Variants in IRAK1 observed in about 807,000 individuals in gnomAD.
IRAK1 encodes the protein interleukin 1 receptor associated kinase 1.
A neutral mutation model predicts 49.8 loss-of-function variants in IRAK1; 9 were observed. The observed-to-expected ratio is 0.18, with a 90% CI of 0.11 to 0.32. IRAK1 has a LOEUF of 0.32. Ranked by LOEUF, IRAK1 falls within the 10% of genes least tolerant of loss-of-function variation. The pLI is 1.00. For synonymous variants in IRAK1, 282 were observed against 270.8 expected (o/e 1.04, Z -0.41); for missense variants, 418 against 600.5 (o/e 0.70, Z 3.18).
Position 154,016,996 on chromosome X carries a change from C to A in IRAK1, c.981G>T (p.Gln327His). The A allele has an allele frequency of 8.3e-7, 1 of 1,210,702 alleles. No individual in the cohort carries two copies. Among genetic ancestry groups the A allele is most frequent in the Non-Finnish European group, 1.1e-6 (1 of 894,216 alleles). The change falls in exon 8 of 14, where the codon CAG becomes CAT. Residue 327 changes from glutamine to histidine, a missense_variant. Around this residue, in one of 3 missense-constraint regions of IRAK1, gnomAD observed 377 missense variants for 499.5 expected, o/e 0.75. Coordinates refer to ENST00000369980, the MANE Select transcript of IRAK1 (RefSeq NM_001569.4). ...DILLGTARAI[Q>H]FLHQDSPSLI... Reference sequence around the variant, plus strand: ...GGCTGGGGCTGTCCTGATGTAGAAACTGAATTGCCCGGGCTGTACCCAGAA... The same window carrying A: ...GGCTGGGGCTGTCCTGATGTAGAAAATGAATTGCCCGGGCTGTACCCAGAA...
rs1557127150 is a variant in IRAK1 at position 154,010,556 on chromosome X, C to T, written c.*1303G>A. 1 of 133,739 alleles carries T rather than the reference C, an allele frequency of 7.5e-6. No homozygotes were observed. Among genetic ancestry groups the T allele is most frequent in the East Asian group, 1.9e-4 (1 of 5,383 alleles). 11.0% of individuals were successfully genotyped at this position (133,739 alleles called of 1,213,427 possible). ...AAGGACAACCTGGACGTCACCAATG[C>T]CCAGCTTCACGGGGGCATGTAGTGT... On this transcript the variant is annotated 3_prime_UTR_variant, in exon 14 of 14. Coordinates refer to ENST00000369980, the MANE Select transcript of IRAK1 (RefSeq NM_001569.4).
At position 154,018,279 on chromosome X, in the gene IRAK1, C is replaced by A; in HGVS notation, c.794+12G>T. On this transcript the variant is annotated intron_variant, in intron 6 of 13. Transcript: ENST00000369980. ...CCCACGGGACCTGGTGTGGCTCCCC[C>A]TCTGGCCTCACCTGGACAGCTGCTC... 4.3e-6 allele frequency: 5 copies of A among 1,152,037 alleles called. No homozygotes were observed. The highest frequency in any genetic ancestry group is 2.6e-5 in the Admixed American group (1 of 38,903). 94.9% of individuals were successfully genotyped at this position (1,152,037 alleles called of 1,213,427 possible).
intron 10 of IRAK1, among the ~76,000 whole-genome samples, chrX:154,014,555 T>G (rs1030408711): frequency 1.8e-5 from 2 of 110,653 alleles, no homozygotes; most frequent in Non-Finnish European, 3.8e-5. Flanking sequence ...GGACTCATTC[T>G]GTCACCCAGG....
At chrX:154,017,751 A>C (rs1317829326) in intron 7 of IRAK1, among the ~76,000 whole-genome samples, 9 of 96,343 alleles carry the variant, frequency 9.3e-5, no homozygotes, top group Non-Finnish European at 1.4e-4. Flanking sequence ...AGCTGAGATC[A>C]CACCACTGCA....
chrX:154,012,722 C>G, intron 12 of IRAK1, 44 bp from the exon 13 acceptor site: 1 of 1,172,147 alleles, frequency 8.5e-7, no homozygotes, highest in South Asian at 1.9e-5. Flanking sequence ...CTGTGGCTCC[C>G]CAGCCCGCAG....
intron 10 of IRAK1, 70 bp downstream of exon 10, chrX:154,015,962 G>A (rs782401390): frequency 3.3e-5 from 30 of 922,250 alleles, no homozygotes; most frequent in South Asian, 1.6e-4. Context: ...AGTTATCCCC[G>A]CCACTGGGGC....
At chrX:154,017,193 C>A in intron 7 of IRAK1, 126 bp from the exon 8 acceptor site, 1 of 491,128 alleles carries the variant, frequency 2.0e-6, no homozygotes, top group Non-Finnish European at 3.6e-6. Context: ...TTTCCCCCTT[C>A]TGGAAAACGA....
chrX:154,016,216 C>A, intron 9 of IRAK1, 119 bp from the exon 10 acceptor site: 4 of 670,204 alleles, frequency 6.0e-6, no homozygotes, highest in Non-Finnish European at 9.6e-6. Context: ...TGTTATGGGA[C>A]TGAAGCTCGG....
In IRAK1 at chrX:154,010,720, T is replaced by G. The variant is rs1557127184; in HGVS notation, c.*1139A>C. On this transcript the variant is annotated 3_prime_UTR_variant, in exon 14 of 14. Coordinates refer to ENST00000369980, the MANE Select transcript of IRAK1 (RefSeq NM_001569.4). ...GTGATACATGTCTTTTCCCTGAAAA[T>G]GTTTCCCTTCCCTGTCTGCCATGCT... The G allele has an allele frequency of 4.3e-6, 1 of 234,027 alleles. No individual in the cohort carries two copies. Among genetic ancestry groups the G allele is most frequent in the African/African-American group, 2.9e-5 (1 of 34,707 alleles). 19.3% of individuals were successfully genotyped at this position (234,027 alleles called of 1,213,427 possible). A position where few individuals can be genotyped will look rare whatever the true frequency, so the allele number is the denominator to read the frequency against.
Position 154,019,084 on chromosome X carries a change from T to G in IRAK1, c.437-6A>C. 8.3e-7 allele frequency: 1 copy of G among 1,206,871 alleles called. No homozygotes were observed. Among genetic ancestry groups the G allele is most frequent in the Non-Finnish European group, 1.1e-6 (1 of 891,167 alleles). On this transcript the variant is annotated splice_polypyrimidine_tract_variant and splice_region_variant and intron_variant, in intron 3 of 13. Coordinates refer to ENST00000369980, the MANE Select transcript of IRAK1 (RefSeq NM_001569.4). ...GGTCTGGGAGCCTGGAAAAGCTTCA[T>G]AAAGACACCAGTGAGAGGCAGGCAG... is the stretch of plus-strand genomic sequence containing the variant.
chrX:154,014,000 G>C (rs782216114), intron 11 of IRAK1, 42 bp downstream of exon 11: 5 of 1,184,585 alleles, frequency 4.2e-6, no homozygotes, highest in Non-Finnish European at 5.7e-6. Context: ...TGGAATGCGG[G>C]CTTTCTATCT....
At position 154,015,959 on chromosome X, in the gene IRAK1, C is replaced by G. The variant is rs1557129019; in HGVS notation, c.1302+73G>C. On this transcript the variant is annotated intron_variant, in intron 10 of 13. Transcript: ENST00000369980. ...CCATGGGCACTGCGCCCCAGTTATCCCCGCCACTGGGGCTGTGCCTGCTGG... is the reference window on the plus strand; with the variant it reads ...CCATGGGCACTGCGCCCCAGTTATCGCCGCCACTGGGGCTGTGCCTGCTGG... 1.1e-5 allele frequency: 10 copies of G among 901,353 alleles called. No homozygotes were observed. The East Asian group carries it at 3.1e-4, about 28-fold the overall frequency. The allele number at this position is 901,353 out of a possible 1,213,427, so 74.3% of individuals were successfully genotyped here.
chrX:154,018,637 T>A lies in IRAK1; in HGVS notation c.691A>T (p.Met231Leu). Residue 231 changes from methionine to leucine, a missense_variant, in exon 5 of 14, where the codon ATG (methionine) becomes TTG (leucine). Physicochemically the swap from Met to Leu is conservative, Grantham distance 15. Transcript: ENST00000369980. ...GGFGCVYRAV[M>L]RNTVYAVKRL... is the part of the protein sequence containing the mutation. ...TTCACAGCATACACCGTGTTCCTCA[T>A]CACCGCCCGGTACACGCACCCAAAG... is the stretch of plus-strand genomic sequence containing the variant. 1 of 1,210,081 alleles carries A rather than the reference T, an allele frequency of 8.3e-7. No homozygotes were observed. The highest frequency in any genetic ancestry group is 1.1e-6 in the Non-Finnish European group (1 of 894,318).
chrX:154,018,390 G>A (rs2065755151), intron 5 of IRAK1, 35 bp from the exon 6 acceptor site: 7 of 1,098,953 alleles, frequency 6.4e-6, no homozygotes, highest in Middle Eastern at 2.5e-4. Flanking sequence ...GGAAGGGGCA[G>A]GGAAGACGGG....
Position 154,018,690 on chromosome X carries a change from G to A in IRAK1, c.638C>T (p.Ser213Leu), listed in dbSNP as rs1557130335. 8 of 1,191,500 alleles carry A rather than the reference G, an allele frequency of 6.7e-6. 1 individual carries two copies. ...ACCCTCCCCGATCTTGAGCTCCTCC[G>A]AGAAGTTGTGGGTGCCCCGGGAAAT... is the stretch of plus-strand genomic sequence containing the variant. ...CEISRGTHNF[S>L]EELKIGEGGF... Residue 213 changes from serine to leucine, a missense_variant, in exon 5 of 14, where the codon TCG becomes TTG. Transcript: ENST00000369980.
chrX:154,018,827 C>G (rs782114844), intron 4 of IRAK1, 40 bp from the exon 5 acceptor site: 1 of 755,038 alleles, frequency 1.3e-6, no homozygotes, highest in African/African-American at 2.1e-5. Context: ...GTCCCTGTCT[C>G]TTCCCTTCTG....
At chrX:154,016,267 C>T (rs1311428735) in intron 9 of IRAK1, among the ~76,000 whole-genome samples, 170 bp from the exon 10 acceptor site, 2 of 112,869 alleles carry the variant, frequency 1.8e-5, no homozygotes, top group Non-Finnish European at 3.8e-5. Context: ...TACAAACACA[C>T]AGTTAGGTGC....
intron 13 of IRAK1, among the ~76,000 whole-genome samples, chrX:154,012,260 C>T (rs888061508): frequency 8.9e-6 from 1 of 112,573 alleles, no homozygotes; most frequent in African/African-American, 3.2e-5. Flanking sequence ...ATGGAAAATT[C>T]CTGCTGGGGC....
chrX:154,014,371 TAAAAA>T (rs146868205), intron 10 of IRAK1, 93 bp from the exon 11 acceptor site: 54,875 of 469,755 alleles, frequency 0.12, 75 homozygotes, highest in Non-Finnish European at 0.13. Context: ...TGGGTTTTGA[TAAAAA>T]AAAAAAAAAA....
Sources: gnomAD v4.1 joint callset for allele counts (sites outside exome capture counted in the v4.1 genomes callset) on GRCh38, gnomAD v4.1.1 for gene constraint, gnomAD v4.1.1 regional missense constraint, MANE v1.5 for transcripts, NCBI Gene and HGNC (gene_info 2026-07-23, HGNC 2026-07-21) for gene names.